The following STOX2 variants were observed in gnomAD, a reference collection of about 807,000 sequenced individuals.
STOX2 encodes storkhead box 2.
Under a neutral mutation model 60.9 loss-of-function variants are expected in STOX2, and 28 were observed. That is an observed-to-expected ratio of 0.46 (90% CI 0.34 to 0.63). The LOEUF is 0.63. STOX2 is among the 30% of genes least tolerant of loss of function. STOX2 has a pLI of 0.01. For missense variants in STOX2, 1,024 were observed against 1,187.7 expected (o/e 0.86, Z 2.03); for synonymous variants, 472 against 463.9 (o/e 1.02, Z -0.22).
intron 1 of STOX2, among the ~76,000 whole-genome samples, chr4:183,990,568 A>T (rs982123969): frequency 1.2e-4 from 16 of 136,968 alleles, no homozygotes; most frequent in Non-Finnish European, 2.3e-4. Flanking sequence ...GGGGCAGTTT[A>T]AAAAGCAGGA....
chr4:183,807,716 A>G (rs965470448), intron 1 of STOX2, among the ~76,000 whole-genome samples: 7 of 152,096 alleles, frequency 4.6e-5, no homozygotes, highest in Admixed American at 1.3e-4. Context: ...GAGGTGGGGT[A>G]GGCAGGTGAG....
At chr4:183,854,562 A>T (rs1740241482) in intron 1 of STOX2, among the ~76,000 whole-genome samples, 1 of 152,236 alleles carries the variant, frequency 6.6e-6, no homozygotes, top group African/African-American at 2.4e-5. Context: ...TATAAAAAGT[A>T]AAAGTGTTTT....
intron 1 of STOX2, among the ~76,000 whole-genome samples, chr4:183,844,427 T>TA (rs1404119099): frequency 4.5e-4 from 68 of 152,306 alleles, no homozygotes; most frequent in Middle Eastern, 3.4e-3. Context: ...CCTTTTATAT[T>TA]AAAAATATTT....
rs1190079041 is a variant in STOX2 at position 184,021,467 on chromosome 4, T to C, written c.*4183T>C. 2 of 148,980 alleles carry C rather than the reference T, an allele frequency of 1.3e-5. No homozygotes were observed. The highest frequency in any genetic ancestry group is 3.0e-5 in the Non-Finnish European group (2 of 67,520). 9.2% of individuals were successfully genotyped at this position (148,980 alleles called of 1,614,324 possible). ...ATTAAAAAAAAAAAAGTTCAGGGTG[T>C]TTGGAATTTTACATCTCAGCACACC... On this transcript the variant is annotated 3_prime_UTR_variant, in exon 4 of 4. Transcript: ENST00000308497.
At chr4:183,880,619 A>G (rs527807622) in intron 1 of STOX2, among the ~76,000 whole-genome samples, 7 of 152,346 alleles carry the variant, frequency 4.6e-5, no homozygotes, top group South Asian at 4.1e-4. Context: ...AGATGGCACT[A>G]AAATGTTTAG....
chr4:183,884,825 A>C (rs995003247), intron 1 of STOX2, among the ~76,000 whole-genome samples: 20 of 152,274 alleles, frequency 1.3e-4, no homozygotes, highest in Admixed American at 2.6e-4. Flanking sequence ...CCTTAGAGAA[A>C]CGTTAGGGAG....
chr4:183,990,001 G>A (rs570042317), intron 1 of STOX2, among the ~76,000 whole-genome samples: 236 of 152,206 alleles, frequency 1.6e-3, no homozygotes, highest in African/African-American at 5.2e-3. Flanking sequence ...CTTTCTCTTC[G>A]CAGTCACATC....
At position 183,845,717 on chromosome 4, in the gene STOX2, T is replaced by C. The variant is rs1007495909; in HGVS notation, c.364+47662T>C. On this transcript the variant is annotated intron_variant, in intron 1 of 2. Transcript: ENST00000513034. ...ATGCAATCTCTCATTCTGCTGCAGA[T>C]TTACAGTTCTCCTCTGCATATGTGC... is the stretch of plus-strand genomic sequence containing the variant. Among the ~76,000 whole-genome samples the C allele has an allele frequency of 3.4e-4, 51 of 152,228 alleles. 1 individual carries two copies. The highest frequency in any genetic ancestry group is 1.2e-3 in the African/African-American group (50 of 41,464).
In STOX2 at chr4:183,906,711, C is replaced by T. The variant is rs935258176; in HGVS notation, c.-80C>T. 8 of 1,380,406 alleles carry T rather than the reference C, an allele frequency of 5.8e-6. No individual in the cohort carries two copies. Among genetic ancestry groups the T allele is most frequent in the East Asian group, 5.4e-5 (2 of 36,718 alleles). 85.5% of individuals were successfully genotyped at this position (1,380,406 alleles called of 1,614,324 possible). A position where few individuals can be genotyped will look rare whatever the true frequency, so the allele number is the denominator to read the frequency against. ...GCGCAGAGTCCGCCCGGGTCGTGCC[C>T]GCCGTAGACGGATGAAGGAGCGCGC... On this transcript the variant is annotated 5_prime_UTR_variant, in exon 1 of 4. Coordinates refer to ENST00000308497, the MANE Select transcript of STOX2 (RefSeq NM_020225.3).
chr4:183,828,357 C>A (rs1259678686), intron 1 of STOX2, among the ~76,000 whole-genome samples: 4 of 152,086 alleles, frequency 2.6e-5, no homozygotes, highest in African/African-American at 9.7e-5. Flanking sequence ...GAAGAAACAG[C>A]CCCAGGAAAA....
At chr4:183,962,611 A>C (rs904014453) in intron 1 of STOX2, among the ~76,000 whole-genome samples, 6 of 152,148 alleles carry the variant, frequency 3.9e-5, no homozygotes, top group Admixed American at 2.0e-4. Flanking sequence ...TCCACAATAA[A>C]TGACTTGTGA....
At chr4:183,913,611 G>T (rs1420520035) in intron 1 of STOX2, among the ~76,000 whole-genome samples, 1 of 151,956 alleles carries the variant, frequency 6.6e-6, no homozygotes, top group Non-Finnish European at 1.5e-5. Flanking sequence ...TCTCTACTAA[G>T]AATACAAAAA....
intron 1 of STOX2, among the ~76,000 whole-genome samples, chr4:183,967,628 T>C (rs76297717): frequency 0.034 from 5,234 of 152,248 alleles, 289 homozygotes; most frequent in African/African-American, 0.12. Context: ...TAACTTGTTG[T>C]GTGCTCTACG....
chr4:183,981,110 G>A (rs1328847933), intron 1 of STOX2, among the ~76,000 whole-genome samples: 1 of 152,174 alleles, frequency 6.6e-6, no homozygotes, highest in African/African-American at 2.4e-5. Flanking sequence ...CCAAATTGGG[G>A]GCATATTTGT....
intron 1 of STOX2, among the ~76,000 whole-genome samples, chr4:183,810,033 G>A (rs574604712): frequency 2.0e-5 from 3 of 152,176 alleles, no homozygotes; most frequent in Non-Finnish European, 2.9e-5. Context: ...CATAACTCTC[G>A]AATGTTCACT....
chr4:183,813,071 T>G (rs1382727989), intron 1 of STOX2, among the ~76,000 whole-genome samples: 1 of 152,038 alleles, frequency 6.6e-6, no homozygotes, highest in Non-Finnish European at 1.5e-5. Context: ...TGGAAAATAT[T>G]CAGAAAAAAT....
chr4:183,967,382 AAAAAG>A (rs1476321519), intron 1 of STOX2, among the ~76,000 whole-genome samples: 1 of 152,076 alleles, frequency 6.6e-6, no homozygotes, highest in Admixed American at 6.5e-5. Flanking sequence ...AAAAAAAAAA[AAAAAG>A]AAGTGAGAGG....
chr4:183,967,353 C>T (rs1215866186), intron 1 of STOX2, among the ~76,000 whole-genome samples: 12 of 140,610 alleles, frequency 8.5e-5, no homozygotes, highest in Non-Finnish European at 1.8e-4. Context: ...GCAACAAGAG[C>T]GAAACTCCGT....
rs752646124 is a variant in STOX2, at chr4:183,825,397, C to CCT, written c.364+27342_364+27343insCT. On this transcript the variant is annotated intron_variant, in intron 1 of 2. Coordinates refer to the STOX2 transcript ENST00000513034. The surrounding 1 kb of genome is among the most constrained non-coding windows in gnomAD (Gnocchi z 4.1). ...GCCTTCACACAGCTGGGCCATCCCT[C>CCT]GTGTGGCGCGTGCTGCAGATGGCAG... Among the ~76,000 whole-genome samples the CCT allele has an allele frequency of 0.064, 9,749 of 152,214 alleles. 1,002 individuals are homozygous for CCT. The highest frequency in any genetic ancestry group is 0.22 in the African/African-American group (9,127 of 41,488).
Sources: allele counts gnomAD v4.1 joint callset (sites outside exome capture counted in the v4.1 genomes callset), GRCh38; gene constraint gnomAD v4.1.1; non-coding constraint Gnocchi (gnomAD v3.1); transcripts MANE v1.5; gene names NCBI Gene and HGNC (gene_info 2026-07-23, HGNC 2026-07-21).